GPC6: variants seen among roughly 807,000 people sequenced by gnomAD.
The protein encoded by GPC6 is glypican 6.
In GPC6, 14 loss-of-function variants were observed where a neutral mutation model predicts 55.2. The ratio of observed to expected loss-of-function variants is 0.25; its 90% CI spans 0.17 to 0.40. The LOEUF (loss-of-function observed/expected upper bound fraction) is 0.40. GPC6 is among the 10% of genes least tolerant of loss of function. GPC6 has a pLI of 1.00. For missense variants in GPC6, 641 were observed against 708.5 expected (o/e 0.90, Z 1.08); for synonymous variants, 278 against 259.6 (o/e 1.07, Z -0.68).
chr13:93,336,957 T>G (rs1880067605), intron 1 of GPC6, among the ~76,000 whole-genome samples: 1 of 152,184 alleles, frequency 6.6e-6, no homozygotes, highest in Non-Finnish European at 1.5e-5. Flanking sequence ...CAAAGCTCCT[T>G]CAATGCAAAG....
chr13:94,210,442 C>A (rs941035142), intron 4 of GPC6, among the ~76,000 whole-genome samples: 3 of 152,124 alleles, frequency 2.0e-5, no homozygotes, highest in Admixed American at 6.6e-5. Context: ...CAGGCATAAG[C>A]CACCGTGCCT....
At chr13:93,979,284 TGTGTGTGTG>T (rs1566631898) in intron 3 of GPC6, among the ~76,000 whole-genome samples, 168 of 54,796 alleles carry the variant, frequency 3.1e-3, no homozygotes, top group African/African-American at 9.6e-3. Context: ...ACTTCTTTTG[TGTGTGTGTG>T]TGTGTGTGTG....
chr13:93,851,748 A>G (rs1376803376), intron 3 of GPC6, among the ~76,000 whole-genome samples: 1 of 151,838 alleles, frequency 6.6e-6, no homozygotes, highest in African/African-American at 2.4e-5. Context: ...AGGTGAATCT[A>G]GTATATCAAA....
intron 1 of GPC6, among the ~76,000 whole-genome samples, chr13:93,274,190 C>G (rs1423490975): frequency 1.3e-5 from 2 of 152,156 alleles, no homozygotes; most frequent in Non-Finnish European, 2.9e-5. Flanking sequence ...CAGTCACCTA[C>G]AGATGTATTC....
At chr13:93,670,747 T>C (rs1050856864) in intron 2 of GPC6, among the ~76,000 whole-genome samples, 1 of 152,210 alleles carries the variant, frequency 6.6e-6, no homozygotes, top group Non-Finnish European at 1.5e-5. Flanking sequence ...TACAATTCAG[T>C]AGCAGAATAG....
intron 2 of GPC6, among the ~76,000 whole-genome samples, chr13:93,806,578 G>T (rs541313361): frequency 6.6e-6 from 1 of 152,264 alleles, no homozygotes; most frequent in Middle Eastern, 3.4e-3. Context: ...GACCTCAGGT[G>T]ATCTGCCCTC....
At chr13:93,846,595 G>GT (rs775015870) in intron 3 of GPC6, among the ~76,000 whole-genome samples, 148 of 152,202 alleles carry the variant, frequency 9.7e-4, no homozygotes, top group Non-Finnish European at 1.8e-3. Context: ...GGTGGATCAC[G>GT]TGATGTCAGG....
At chr13:94,383,002 TA>T (rs1880237275) in intron 7 of GPC6, among the ~76,000 whole-genome samples, 1 of 152,158 alleles carries the variant, frequency 6.6e-6, no homozygotes, top group African/African-American at 2.4e-5. Context: ...ATTGGCAACG[TA>T]ACAGAAAATG....
chr13:93,384,631 G>A (rs940936516), intron 1 of GPC6, among the ~76,000 whole-genome samples: 1 of 152,298 alleles, frequency 6.6e-6, no homozygotes, highest in Admixed American at 6.5e-5. Context: ...AACTTGAACT[G>A]ATTTGAGTGA....
At chr13:94,084,312 T>C (rs1027008432) in intron 4 of GPC6, among the ~76,000 whole-genome samples, 2 of 152,128 alleles carry the variant, frequency 1.3e-5, no homozygotes, top group Non-Finnish European at 2.9e-5. Flanking sequence ...CCAAATTCTT[T>C]CTCTATGTGC....
intron 6 of GPC6, among the ~76,000 whole-genome samples, chr13:94,370,827 C>G (rs1324755469): frequency 1.3e-5 from 2 of 152,000 alleles, no homozygotes; most frequent in African/African-American, 4.8e-5. Flanking sequence ...CATTCAGTAC[C>G]TCATGAAATT....
intron 4 of GPC6, among the ~76,000 whole-genome samples, chr13:94,267,268 T>G (rs67404827): frequency 0.25 from 37,932 of 151,902 alleles, 4,800 homozygotes; most frequent in South Asian, 0.27. Flanking sequence ...CTGGGTTTGG[T>G]TTGTTGATAT....
At chr13:93,454,043 G>T (rs1878336002) in intron 1 of GPC6, among the ~76,000 whole-genome samples, 1 of 146,186 alleles carries the variant, frequency 6.8e-6, no homozygotes, top group Non-Finnish European at 1.5e-5. Flanking sequence ...GGTTCTCCGT[G>T]TCCCCACCAG....
At chr13:93,489,129 T>A (rs1594206544) in intron 1 of GPC6, among the ~76,000 whole-genome samples, 1 of 151,568 alleles carries the variant, frequency 6.6e-6, no homozygotes, top group South Asian at 2.1e-4. Flanking sequence ...CTTTAATCCA[T>A]CTTGAATTAA....
At position 93,227,472 on chromosome 13, in the gene GPC6, G is replaced by C. The variant is rs1180944030; in HGVS notation, c.16G>C (p.Gly6Arg). ...ATGTTGCACCATGCCTTCTTGGATC[G>C]GGGCTGTGATTCTTCCCCTCTTGGG... Reference protein sequence around the residue: MPSWIGAVILPLLGLL... With the variant: MPSWIRAVILPLLGLL... Residue 6 changes from glycine (G) to arginine (R), a missense_variant, in exon 1 of 9, where the codon GGG becomes CGG. By Grantham distance (125) the Gly-to-Arg change is moderately radical. Coordinates refer to ENST00000377047, the MANE Select transcript of GPC6 (RefSeq NM_005708.5). This position sits in a 1 kb window ranked among gnomAD's most constrained non-coding sequence, Gnocchi z 4.3. The C allele has an allele frequency of 6.2e-7, 1 of 1,613,824 alleles. No individual in the cohort carries two copies. The highest frequency in any genetic ancestry group is 8.5e-7 in the Non-Finnish European group (1 of 1,179,792).
At chr13:94,166,112 A>T (rs559018930) in intron 4 of GPC6, among the ~76,000 whole-genome samples, 1 of 152,308 alleles carries the variant, frequency 6.6e-6, no homozygotes, top group South Asian at 2.1e-4. Flanking sequence ...CTCCCTGTCG[A>T]TAATGGGATC....
intron 4 of GPC6, among the ~76,000 whole-genome samples, chr13:94,039,210 AG>A (rs2138736865): frequency 6.6e-6 from 1 of 152,122 alleles, no homozygotes; most frequent in African/African-American, 2.4e-5. Flanking sequence ...TTTAAAAGTC[AG>A]GCCAAATACT....
intron 2 of GPC6, among the ~76,000 whole-genome samples, chr13:93,696,930 G>A (rs958863372): frequency 3.3e-5 from 5 of 151,904 alleles, no homozygotes; most frequent in Admixed American, 6.6e-5. Context: ...GGCCACCTCC[G>A]TAACTTTAAA....
intron 2 of GPC6, among the ~76,000 whole-genome samples, chr13:93,683,380 A>G (rs916971647): frequency 6.6e-6 from 1 of 152,114 alleles, no homozygotes; most frequent in African/African-American, 2.4e-5. Flanking sequence ...TCAATTTATG[A>G]TACTGAATTT....
Sources: allele counts gnomAD v4.1 joint callset (sites outside exome capture counted in the v4.1 genomes callset), GRCh38; gene constraint gnomAD v4.1.1; non-coding constraint Gnocchi (gnomAD v3.1); transcripts MANE v1.5; gene names NCBI Gene and HGNC (gene_info 2026-07-23, HGNC 2026-07-21).